TBC1D5: variants seen among roughly 807,000 people sequenced by gnomAD.
TBC1D5 encodes the protein TBC1 domain family member 5, also known as TBC1 domain family, member 5.
In TBC1D5, 75 loss-of-function variants were observed where a neutral mutation model predicts 100.3. That is an observed-to-expected ratio of 0.75 (90% CI 0.62 to 0.91). The LOEUF (loss-of-function observed/expected upper bound fraction) is 0.91. Ranked by LOEUF, TBC1D5 falls within the 40% of genes least tolerant of loss-of-function variation. The probability of loss-of-function intolerance (pLI) is 0.00; values close to 1 mark genes in which losing one functional copy is unlikely to be tolerated. For missense variants in TBC1D5, 910 were observed against 942.4 expected, an observed-to-expected ratio of 0.97 and a Z score of 0.45; for synonymous variants, 323 against 325.6, an observed-to-expected ratio of 0.99 and a Z score of 0.09.
intron 1 of TBC1D5, among the ~76,000 whole-genome samples, chr3:17,640,345 TAACTTTATTAAAACTAAATA>T (rs1171811373): frequency 6.6e-6 from 1 of 152,170 alleles, no homozygotes; most frequent in Non-Finnish European, 1.5e-5. Context: ...AAACTTTATT[TAACTTTATTAAAACTAAATA>T]AACTTTATTA....
Position 17,417,593 on chromosome 3 carries a change from G to A in TBC1D5, c.167+10857C>T, listed in dbSNP as rs187245681. On this transcript the variant is annotated intron_variant, in intron 4 of 21. Coordinates refer to ENST00000253692, the Ensembl canonical transcript of TBC1D5. ...CATTTTCTTAATCCAGTCTATCACTGTTGGACACTTGGGTTGGTTCCAAGT... is the reference window on the plus strand; with the variant it reads ...CATTTTCTTAATCCAGTCTATCACTATTGGACACTTGGGTTGGTTCCAAGT... 3.5e-3 allele frequency among the ~76,000 whole-genome samples: 530 copies of A among 152,228 alleles called. 4 individuals carry two copies. The highest frequency in any genetic ancestry group is 0.012 in the African/African-American group (503 of 41,516).
At chr3:17,531,165 G>C (rs1026050991) in intron 2 of TBC1D5, among the ~76,000 whole-genome samples, 1 of 152,118 alleles carries the variant, frequency 6.6e-6, no homozygotes, top group Non-Finnish European at 1.5e-5. Flanking sequence ...TGTGCAAAAA[G>C]CACAAGCATT....
chr3:17,625,192 C>G (rs1361712911), intron 1 of TBC1D5, among the ~76,000 whole-genome samples: 1 of 151,734 alleles, frequency 6.6e-6, no homozygotes, highest in Non-Finnish European at 1.5e-5. Flanking sequence ...CACAGTCCAG[C>G]AGAAGTGTCT....
intron 4 of TBC1D5, among the ~76,000 whole-genome samples, chr3:17,421,044 A>T (rs2149264380): frequency 6.6e-6 from 1 of 152,358 alleles, no homozygotes; most frequent in African/African-American, 2.4e-5. Flanking sequence ...GTTGATAATT[A>T]GGGCTGTGAA....
At chr3:17,167,904 C>T (rs938329622) in intron 19 of TBC1D5, 76 bp from the exon 21 acceptor site, 27 of 1,100,378 alleles carry the variant, frequency 2.5e-5, no homozygotes, top group South Asian at 7.9e-5. Flanking sequence ...TAACTTCAGA[C>T]GGGCTTGGGA....
At chr3:17,518,572 G>T (rs897769927) in intron 2 of TBC1D5, among the ~76,000 whole-genome samples, 1 of 152,026 alleles carries the variant, frequency 6.6e-6, no homozygotes, top group Non-Finnish European at 1.5e-5. Context: ...AAAATCCCCC[G>T]CATTTACCAT....
intron 4 of TBC1D5, 182 bp from the exon 5 acceptor site, chr3:17,406,708 T>G (rs2093780122): frequency 1.8e-6 from 1 of 561,874 alleles, no homozygotes; most frequent in Non-Finnish European, 3.1e-6. Flanking sequence ...TTCCGTAGAT[T>G]TAATGAATAT....
At chr3:17,531,604 C>T (rs570906834) in intron 2 of TBC1D5, among the ~76,000 whole-genome samples, 1 of 152,136 alleles carries the variant, frequency 6.6e-6, no homozygotes, top group Non-Finnish European at 1.5e-5. Context: ...GCTACAGTAA[C>T]CAAAACAGCA....
chr3:17,711,860 C>T (rs1181904899), intron 1 of TBC1D5, among the ~76,000 whole-genome samples: 1 of 152,214 alleles, frequency 6.6e-6, no homozygotes, highest in East Asian at 1.9e-4. Context: ...CCAAGAGTTT[C>T]TCTCACACAA....
intron 19 of TBC1D5, among the ~76,000 whole-genome samples, chr3:17,180,438 AG>A (rs1288591771): frequency 6.6e-6 from 1 of 152,240 alleles, no homozygotes; most frequent in Admixed American, 6.5e-5. Flanking sequence ...AGCCTTAAAT[AG>A]TACTTGACAT....
At chr3:17,272,611 C>T (rs576077106) in intron 15 of TBC1D5, among the ~76,000 whole-genome samples, 3 of 152,190 alleles carry the variant, frequency 2.0e-5, no homozygotes, top group East Asian at 1.9e-4. Context: ...GAAAGAGGTT[C>T]GGAATAATTA....
chr3:17,287,789 T>G (rs975746917), intron 15 of TBC1D5, among the ~76,000 whole-genome samples: 4 of 152,220 alleles, frequency 2.6e-5, no homozygotes, highest in Non-Finnish European at 4.4e-5. Context: ...ACTTGCAGAA[T>G]GTATTCTCCA....
intron 15 of TBC1D5, among the ~76,000 whole-genome samples, chr3:17,276,549 T>G (rs917535147): frequency 6.6e-6 from 1 of 152,200 alleles, no homozygotes; most frequent in African/African-American, 2.4e-5. Context: ...GTCAGAGAGA[T>G]GACTTGGCTT....
At chr3:17,669,780 G>A (rs2067712369) in intron 1 of TBC1D5, among the ~76,000 whole-genome samples, 1 of 152,204 alleles carries the variant, frequency 6.6e-6, no homozygotes. Context: ...TTGATGAGGA[G>A]AAGCAAGTCA....
intron 8 of TBC1D5, among the ~76,000 whole-genome samples, chr3:17,391,153 A>G (rs527927200): frequency 2.7e-4 from 41 of 152,164 alleles, no homozygotes; most frequent in Non-Finnish European, 5.0e-4. Context: ...TCTTAAAACT[A>G]TATCTGCAAA....
intron 19 of TBC1D5, 29 bp downstream of exon 20, chr3:17,185,080 C>T (rs573558877): frequency 1.1e-5 from 18 of 1,600,274 alleles, no homozygotes; most frequent in East Asian, 4.5e-5. Context: ...TGAGTCTCAT[C>T]GTTCCCAGGG....
chr3:17,579,434 G>A (rs1217219297), intron 2 of TBC1D5, among the ~76,000 whole-genome samples: 1 of 151,926 alleles, frequency 6.6e-6, no homozygotes, highest in East Asian at 1.9e-4. Flanking sequence ...CTTCTTTCAG[G>A]TGTACTAAGT....
intron 8 of TBC1D5, among the ~76,000 whole-genome samples, chr3:17,384,899 A>C (rs765594495): frequency 1.3e-5 from 2 of 152,104 alleles, no homozygotes; most frequent in African/African-American, 2.4e-5. Flanking sequence ...ACAGCATAGT[A>C]AATGTATATT....
chr3:17,329,000 T>C (rs1313367203), intron 13 of TBC1D5, among the ~76,000 whole-genome samples: 4 of 152,194 alleles, frequency 2.6e-5, no homozygotes, highest in Admixed American at 6.5e-5. Flanking sequence ...AAAAAGGAGT[T>C]GGAGGAAGGT....
Sources: gnomAD v4.1 joint callset for allele counts (sites outside exome capture counted in the v4.1 genomes callset) on GRCh38, gnomAD v4.1.1 for gene constraint, MANE v1.5 for transcripts, NCBI Gene and HGNC (gene_info 2026-07-23, HGNC 2026-07-21) for gene names.